Variants in GSAP observed in about 807,000 individuals in gnomAD.
GSAP encodes gamma-secretase activating protein, also known as gamma-secretase-activating protein.
A neutral mutation model predicts 131.7 loss-of-function variants in GSAP; 118 were observed. The ratio of observed to expected loss-of-function variants is 0.90; its 90% confidence interval spans 0.77 to 1.04. The LOEUF (loss-of-function observed/expected upper bound fraction) is 1.04, where lower values mean the gene tolerates loss of function less well. GSAP is among the 50% of genes least tolerant of loss of function. The pLI is 0.00. For missense variants in GSAP, 1,019 were observed against 1,013.2 expected (o/e 1.01, Z -0.08); for synonymous variants, 381 against 363.4 (o/e 1.05, Z -0.55).
intron 21 of GSAP, 128 bp downstream of exon 21, chr7:77,329,205 G>T: frequency 2.0e-6 from 1 of 510,272 alleles, no homozygotes; most frequent in Non-Finnish European, 3.4e-6. Context: ...CATTCATGAA[G>T]CTGACAATAT....
intron 10 of GSAP, among the ~76,000 whole-genome samples, chr7:77,375,793 G>A (rs527908219): frequency 6.7e-6 from 1 of 150,124 alleles, no homozygotes; most frequent in East Asian, 2.0e-4. Context: ...GCAGTGAAGA[G>A]AGATCATGCC....
At chr7:77,334,567 G>A (rs943278864) in intron 19 of GSAP, among the ~76,000 whole-genome samples, 1 of 96,322 alleles carries the variant, frequency 1.0e-5, no homozygotes, top group African/African-American at 3.8e-5. Flanking sequence ...CATGTATCCT[G>A]GAACTTAAAA....
chr7:77,334,603 A>AAAAAAAAAAAAAAAAAAAAAAAC, intron 19 of GSAP, among the ~76,000 whole-genome samples: 1 of 150,170 alleles, frequency 6.7e-6, no homozygotes, highest in Admixed American at 6.6e-5. Context: ...AAAAAAAAAA[A>AAAAAAAAAAAAAAAAAAAAAAAC]AAAGATGAAC....
rs531285310 is a variant in GSAP, at chr7:77,342,634, C to G, written c.1545+6717G>C. Among the ~76,000 whole-genome samples the G allele has an allele frequency of 1.6e-3, 238 of 152,242 alleles. 1 individual carries two copies. Among genetic ancestry groups the G allele is most frequent in the African/African-American group, 4.9e-3 (203 of 41,544 alleles). On this transcript the variant is annotated intron_variant, in intron 19 of 30. Coordinates refer to ENST00000257626, the MANE Select transcript of GSAP (RefSeq NM_017439.4). ...CCCCTTGGCGACCAATCATGCACCC[C>G]TTACCATCCCATTAAAACCTAATCA...
chr7:77,404,840 A>C (rs1801972685), intron 2 of GSAP, among the ~76,000 whole-genome samples: 5 of 151,926 alleles, frequency 3.3e-5, no homozygotes, highest in Middle Eastern at 3.4e-3. Flanking sequence ...GGAACTGTCT[A>C]GTAGGACTGA....
chr7:77,312,786 A>G (rs1373493235), intron 28 of GSAP, among the ~76,000 whole-genome samples: 1 of 152,242 alleles, frequency 6.6e-6, no homozygotes. Flanking sequence ...TCGTGAGAGG[A>G]CAGTGCCAGA....
chr7:77,374,036 G>T (rs754682522), intron 12 of GSAP, 34 bp downstream of exon 12: 2 of 1,176,932 alleles, frequency 1.7e-6, no homozygotes, highest in Non-Finnish European at 2.5e-6. Context: ...CTCAAATACG[G>T]TTGAATAAAT....
chr7:77,365,898 GTTTTTTTTTTT>G (rs35007328), intron 12 of GSAP, among the ~76,000 whole-genome samples: 1 of 115,586 alleles, frequency 8.7e-6, no homozygotes, highest in Non-Finnish European at 1.7e-5. Context: ...GCAACTGTGG[GTTTTTTTTTTT>G]TTTTTTTTTT....
At chr7:77,389,279 A>ATG (rs1323096087) in intron 5 of GSAP, among the ~76,000 whole-genome samples, 103 of 149,224 alleles carry the variant, frequency 6.9e-4, no homozygotes, top group African/African-American at 2.3e-3. Flanking sequence ...ACCTAAAAGT[A>ATG]TGTGTGTGTG....
rs1301145161 is a variant in GSAP, at chr7:77,314,553, G to A, written c.2090-64C>T. 3.8e-6 allele frequency: 6 copies of A among 1,588,008 alleles called. No individual in the cohort carries two copies. The East Asian group carries it at 9.0e-5, about 24-fold the overall frequency. On this transcript the variant is annotated intron_variant, in intron 26 of 30. Transcript: ENST00000257626. ...ACATCTCCAGCAGCCCCCGGGGAAT[G>A]GATTAGATCATGTTAATAAAGCACT...
intron 19 of GSAP, among the ~76,000 whole-genome samples, chr7:77,332,270 C>T (rs1789270284): frequency 6.6e-6 from 1 of 152,206 alleles, no homozygotes; most frequent in Non-Finnish European, 1.5e-5. Context: ...TACCTTCCTT[C>T]TTACTCCATT....
At position 77,355,242 on chromosome 7, in the gene GSAP, C is replaced by T. The variant is rs772643433; in HGVS notation, c.1309G>A (p.Gly437Ser). 3.5e-5 allele frequency: 56 copies of T among 1,613,440 alleles called. No individual in the cohort carries two copies. The highest frequency in any genetic ancestry group is 6.7e-5 in the African/African-American group (5 of 74,884). ...GCTTCCAGGAACTGCGCACCTTGAC[C>T]GCAGTAGAGCGCGCAGTGCAACGCA... ...MAALHCALYC[G>S]QGAQFLEAQI... The change falls in exon 16 of 31, where the codon GGT becomes AGT. Residue 437 changes from glycine (G) to serine (S), a missense_variant. By Grantham distance (56) the Gly-to-Ser change is moderately conservative (BLOSUM62 0). Coordinates refer to ENST00000257626, the MANE Select transcript of GSAP (RefSeq NM_017439.4).
At chr7:77,318,294 G>A (rs1336037493) in intron 26 of GSAP, among the ~76,000 whole-genome samples, 5 of 152,178 alleles carry the variant, frequency 3.3e-5, no homozygotes, top group Admixed American at 3.3e-4. Flanking sequence ...CCAAAAAATG[G>A]TTGGGCACTG....
At chr7:77,339,077 G>T (rs907761197) in intron 19 of GSAP, among the ~76,000 whole-genome samples, 1 of 152,160 alleles carries the variant, frequency 6.6e-6, no homozygotes, top group South Asian at 2.1e-4. Flanking sequence ...TGTGATTGAG[G>T]TCACGAGTGT....
chr7:77,391,645 G>A (rs910078034), intron 5 of GSAP, among the ~76,000 whole-genome samples: 5 of 151,794 alleles, frequency 3.3e-5, no homozygotes, highest in South Asian at 2.1e-4. Context: ...GCAACATAGT[G>A]AAACCCCATC....
rs140550068 is a variant in GSAP at position 77,317,085 on chromosome 7, C to T, written c.2090-2596G>A. The stretch of plus-strand genomic sequence containing the variant: ...CACCCTGAATTCATACAAGCATGCA[C>T]ATGCACACACACACATGATCCAGTG... On this transcript the variant is annotated intron_variant, in intron 26 of 30. Coordinates refer to ENST00000257626, the MANE Select transcript of GSAP (RefSeq NM_017439.4). 1.3e-4 allele frequency among the ~76,000 whole-genome samples: 20 copies of T among 152,154 alleles called. No individual in the cohort carries two copies. In the East Asian group the frequency reaches 3.7e-3, roughly 28 times the overall value.
rs542494510 is a variant in GSAP, at chr7:77,379,028, G to A, written c.577-1638C>T. On this transcript the variant is annotated intron_variant, in intron 8 of 30. Transcript: ENST00000257626. ...TAAAGAGTTGTAAACCACTATTTCCGCTTACCCTGTCCATTATATTTAGAC... is the reference window on the plus strand; with the variant it reads ...TAAAGAGTTGTAAACCACTATTTCCACTTACCCTGTCCATTATATTTAGAC... 9.2e-5 allele frequency among the ~76,000 whole-genome samples: 14 copies of A among 152,172 alleles called. No individual in the cohort carries two copies. The East Asian group carries it at 9.7e-4, about 11-fold the overall frequency.
intron 6 of GSAP, among the ~76,000 whole-genome samples, chr7:77,383,112 A>G (rs193111759): frequency 5.1e-4 from 78 of 152,278 alleles, no homozygotes; most frequent in Non-Finnish European, 9.3e-4. Context: ...ACTTGAACCC[A>G]GGAGGTTGAA....
intron 19 of GSAP, among the ~76,000 whole-genome samples, chr7:77,334,579 T>TAAA (rs1200040086): frequency 2.7e-4 from 22 of 82,402 alleles, no homozygotes; most frequent in African/African-American, 6.4e-4. Flanking sequence ...AACTTAAAAT[T>TAAA]TAAAAAAAAA....
Sources: gnomAD v4.1 joint callset for allele counts (sites outside exome capture counted in the v4.1 genomes callset) on GRCh38, gnomAD v4.1.1 for gene constraint, MANE v1.5 for transcripts, NCBI Gene and HGNC (gene_info 2026-07-23, HGNC 2026-07-21) for gene names.